SLC25A33: variants seen among roughly 807,000 people sequenced by gnomAD.
SLC25A33 encodes bone marrow stromal cell mitochondrial carrier protein.
Under a neutral mutation model 35.5 loss-of-function variants are expected in SLC25A33, and 15 were observed. That is an observed-to-expected ratio of 0.42 (90% confidence interval 0.28 to 0.65). The LOEUF is 0.65. SLC25A33 is among the 30% of genes least tolerant of loss of function. SLC25A33 has a pLI of 0.20. For synonymous variants in SLC25A33, 136 were observed against 148.7 expected (o/e 0.91, Z 0.62); for missense variants, 257 against 398.5 (o/e 0.64, Z 3.02).
rs141643870 is a variant in SLC25A33, at chr1:9,560,081, G to A, written c.236+6276G>A. ...AACCTGGCCAACATGGCGAAACCTC[G>A]TCTCTACTAAAAATACAAAAACCAG... On this transcript the variant is annotated intron_variant, in intron 2 of 6. Coordinates refer to ENST00000302692, the MANE Select transcript of SLC25A33 (RefSeq NM_032315.3). 5.6e-4 allele frequency among the ~76,000 whole-genome samples: 85 copies of A among 151,938 alleles called. 1 individual carries two copies. The East Asian group carries it at 0.013, about 24-fold the overall frequency.
chr1:9,549,345 T>TGGTGGGATCAATGGGGGGGATGAACTGA (rs1643227010), intron 1 of SLC25A33, among the ~76,000 whole-genome samples: 1 of 51,232 alleles, frequency 2.0e-5, no homozygotes, highest in Non-Finnish European at 3.8e-5. Context: ...GGATGAACTG[T>TGGTGGGATCAATGGGGGGGATGAACTGA]TGGTGGGATC....
At chr1:9,563,556 G>A (rs1342981558) in intron 2 of SLC25A33, among the ~76,000 whole-genome samples, 1 of 152,080 alleles carries the variant, frequency 6.6e-6, no homozygotes, top group Admixed American at 6.6e-5. Flanking sequence ...GCTTAATTTG[G>A]GAAACTTTCC....
At position 9,572,893 on chromosome 1, in the gene SLC25A33, C is replaced by T. The variant is rs1027289201; in HGVS notation, c.416-453C>T. On this transcript the variant is annotated intron_variant, in intron 4 of 6. Coordinates refer to ENST00000302692, the MANE Select transcript of SLC25A33 (RefSeq NM_032315.3). ...ACTAGCCTGAGCAACAAGGGAGACC[C>T]GTCTCTACAAAAAAAAAAAAAAAAA... Among the ~76,000 whole-genome samples, 8 of 142,506 alleles carry T rather than the reference C, an allele frequency of 5.6e-5. No individual in the cohort carries two copies. In the East Asian group the frequency reaches 1.4e-3, roughly 25 times the overall value. The allele number at this position is 142,506 out of a possible 152,430, so 93.5% of individuals were successfully genotyped here.
In SLC25A33 at chr1:9,553,613, G is replaced by A. The variant is rs1643300007; in HGVS notation, c.57-13G>A. ...AGTATAGCTTCTCTGATCTGCTTTGGTTTCCCTTACAGGTGTGGAGGCACA... is the reference window on the plus strand; with the variant it reads ...AGTATAGCTTCTCTGATCTGCTTTGATTTCCCTTACAGGTGTGGAGGCACA... On this transcript the variant is annotated splice_polypyrimidine_tract_variant and intron_variant, in intron 1 of 6. Coordinates refer to ENST00000302692, the MANE Select transcript of SLC25A33 (RefSeq NM_032315.3). 1 of 1,612,596 alleles carries A rather than the reference G, an allele frequency of 6.2e-7. No homozygotes were observed.
chr1:9,555,161 A>G (rs1643322113), intron 2 of SLC25A33, among the ~76,000 whole-genome samples: 1 of 123,842 alleles, frequency 8.1e-6, no homozygotes, highest in African/African-American at 3.2e-5. Context: ...TCTGTCGCCC[A>G]GGCTGGAGTG....
At chr1:9,551,467 T>C (rs1262456865) in intron 1 of SLC25A33, among the ~76,000 whole-genome samples, 4 of 152,238 alleles carry the variant, frequency 2.6e-5, no homozygotes, top group Non-Finnish European at 5.9e-5. Context: ...GTACTAGGTT[T>C]GCTTCTAGAT....
intron 2 of SLC25A33, among the ~76,000 whole-genome samples, chr1:9,554,257 CGCT>C (rs1303571862): frequency 6.6e-6 from 1 of 152,188 alleles, no homozygotes; most frequent in African/African-American, 2.4e-5. Flanking sequence ...GATCTTGGCT[CGCT>C]GCAGGTGATC....
chr1:9,555,441 T>C (rs1643329466), intron 2 of SLC25A33, among the ~76,000 whole-genome samples: 1 of 152,122 alleles, frequency 6.6e-6, no homozygotes, highest in South Asian at 2.1e-4. Flanking sequence ...TTAGGCACAA[T>C]TTAGATAAGG....
At chr1:9,552,871 C>T (rs1483160051) in intron 1 of SLC25A33, among the ~76,000 whole-genome samples, 2 of 149,142 alleles carry the variant, frequency 1.3e-5, no homozygotes, top group East Asian at 4.0e-4. Context: ...GATGTGCTAA[C>T]GTGGGAATAG....
intron 5 of SLC25A33, among the ~76,000 whole-genome samples, chr1:9,577,347 C>T (rs1172984921): frequency 1.3e-5 from 2 of 152,120 alleles, no homozygotes; most frequent in African/African-American, 4.8e-5. Context: ...AGGAGAATGG[C>T]GTGAACCCGG....
chr1:9,550,046 G>T (rs1288505892), intron 1 of SLC25A33, among the ~76,000 whole-genome samples: 3 of 77,692 alleles, frequency 3.9e-5, no homozygotes, highest in African/African-American at 5.3e-5. Context: ...TTTGAGACGG[G>T]GTCTCACCCA....
intron 2 of SLC25A33, among the ~76,000 whole-genome samples, chr1:9,562,987 C>T (rs1643447576): frequency 6.8e-6 from 1 of 147,528 alleles, no homozygotes; most frequent in Admixed American, 6.8e-5. Context: ...GGCGCAATCT[C>T]GGCTCACTGC....
intron 6 of SLC25A33, among the ~76,000 whole-genome samples, chr1:9,581,646 T>A (rs1419786645): frequency 2.0e-5 from 3 of 151,702 alleles, no homozygotes; most frequent in Admixed American, 6.6e-5. Flanking sequence ...GGAGAATCAC[T>A]TGAACCCAGA....
At position 9,550,159 on chromosome 1, in the gene SLC25A33, CCTGA is replaced by C. The variant is rs1314067785; in HGVS notation, c.57-3464_57-3461del. On this transcript the variant is annotated intron_variant, in intron 1 of 6. Coordinates refer to ENST00000302692, the MANE Select transcript of SLC25A33 (RefSeq NM_032315.3). ...GGGACTACAGGTGTACACCACCATG[CCTGA>C]CTAATTTGTTTTTGTTTTTGTAGAG... is the stretch of plus-strand genomic sequence containing the variant. 1.8e-4 allele frequency among the ~76,000 whole-genome samples: 26 copies of C among 148,540 alleles called. No homozygotes were observed. The South Asian group carries it at 5.3e-3, about 30-fold the overall frequency.
intron 2 of SLC25A33, among the ~76,000 whole-genome samples, chr1:9,554,602 G>C (rs1039611954): frequency 6.6e-6 from 1 of 151,592 alleles, no homozygotes; most frequent in Non-Finnish European, 1.5e-5. Context: ...CAGGTGATCC[G>C]CCTGCCTCAG....
chr1:9,574,216 C>G (rs1429923411), intron 5 of SLC25A33, among the ~76,000 whole-genome samples: 1 of 151,554 alleles, frequency 6.6e-6, no homozygotes, highest in Non-Finnish European at 1.5e-5. Context: ...GCCTCACCTC[C>G]TCAGTAGTTT....
intron 2 of SLC25A33, among the ~76,000 whole-genome samples, chr1:9,561,037 T>C (rs1643416778): frequency 6.6e-6 from 1 of 151,594 alleles, no homozygotes; most frequent in Middle Eastern, 3.4e-3. Context: ...GCAACCTCTG[T>C]CTCCCGGATT....
chr1:9,572,103 A>G (rs893648420), intron 4 of SLC25A33, among the ~76,000 whole-genome samples: 1 of 152,218 alleles, frequency 6.6e-6, no homozygotes, highest in Non-Finnish European at 1.5e-5. Context: ...TAGACCCTGA[A>G]TAGAAAATCT....
chr1:9,576,727 C>A, intron 5 of SLC25A33: 1 of 798,770 alleles, frequency 1.3e-6, no homozygotes, highest in South Asian at 1.3e-5. Flanking sequence ...CATTGTTATC[C>A]AGGAGGATGG....
Sources: gnomAD v4.1 joint callset for allele counts (sites outside exome capture counted in the v4.1 genomes callset) on GRCh38, gnomAD v4.1.1 for gene constraint, MANE v1.5 for transcripts, NCBI Gene and HGNC (gene_info 2026-07-23, HGNC 2026-07-21) for gene names.